EXOC1: variants seen among roughly 807,000 people sequenced by gnomAD.
EXOC1 encodes the protein SEC3-like 1.
EXOC1 carries 67 observed loss-of-function variants against 107.7 expected under a neutral mutation model. The ratio of observed to expected loss-of-function variants is 0.62; its 90% CI spans 0.51 to 0.76. The LOEUF (loss-of-function observed/expected upper bound fraction) is 0.76. EXOC1 is among the 30% of genes least tolerant of loss of function. The probability of loss-of-function intolerance (pLI) is 0.00; values close to 1 mark genes in which losing one functional copy is unlikely to be tolerated. For synonymous variants in EXOC1, 348 were observed against 353.5 expected, an observed-to-expected ratio of 0.98 and a Z score of 0.17; for missense variants, 833 against 1,055.7, an observed-to-expected ratio of 0.79 and a Z score of 2.92.
chr4:55,904,266 G>T (rs1441226409), intron 18 of EXOC1, 77 bp from the exon 19 acceptor site: 8 of 1,364,576 alleles, frequency 5.9e-6, no homozygotes, highest in Admixed American at 4.9e-5. Flanking sequence ...CTTAGAATAT[G>T]CCTTGGCATT....
intron 1 of EXOC1, among the ~76,000 whole-genome samples, chr4:55,856,752 G>A (rs2110302168): frequency 6.6e-6 from 1 of 152,278 alleles, no homozygotes; most frequent in South Asian, 2.1e-4. Context: ...TTAAGTTGAT[G>A]TTTGAAAAGA....
At chr4:55,882,017 A>G (rs1287485618) in intron 9 of EXOC1, among the ~76,000 whole-genome samples, 2 of 152,234 alleles carry the variant, frequency 1.3e-5, no homozygotes, top group Admixed American at 6.5e-5. Flanking sequence ...TGGAAGGAAA[A>G]AAAAATCAGA....
intron 8 of EXOC1, chr4:55,876,278 T>C (rs1341579084): frequency 1.9e-5 from 19 of 985,318 alleles, no homozygotes; most frequent in Non-Finnish European, 2.0e-5. Context: ...TTGTTTTATA[T>C]TCAGGTAGCC....
chr4:55,875,343 G>C, intron 8 of EXOC1: 1 of 652,048 alleles, frequency 1.5e-6, no homozygotes, highest in Non-Finnish European at 1.9e-6. Context: ...TGTGAGGTTT[G>C]TTGGAACTTT....
At chr4:55,901,622 T>C (rs202025680) in intron 17 of EXOC1, among the ~76,000 whole-genome samples, 2 of 152,078 alleles carry the variant, frequency 1.3e-5, no homozygotes, top group South Asian at 2.1e-4. Context: ...ACTAAACATA[T>C]AAAAGCAGGT....
At chr4:55,899,031 T>G (rs921070317) in intron 16 of EXOC1, among the ~76,000 whole-genome samples, 1 of 152,194 alleles carries the variant, frequency 6.6e-6, no homozygotes, top group Non-Finnish European at 1.5e-5. Flanking sequence ...GCATTACAGC[T>G]GTACCAATGC....
At chr4:55,882,857 TAAA>T (rs1355596245) in intron 9 of EXOC1, 1 of 152,152 alleles carries the variant, frequency 6.6e-6, no homozygotes, top group Non-Finnish European at 1.5e-5. Context: ...ATGATAAACT[TAAA>T]AGAATAGGTA....
At chr4:55,871,654 G>T (rs942997034) in intron 7 of EXOC1, among the ~76,000 whole-genome samples, 195 bp from the exon 8 acceptor site, 1 of 152,170 alleles carries the variant, frequency 6.6e-6, no homozygotes, top group Non-Finnish European at 1.5e-5. Context: ...GTTCCCAGGC[G>T]ATGGTGAGGC....
At chr4:55,891,176 A>T (rs1724501087) in intron 12 of EXOC1, 139 bp from the exon 13 acceptor site, 1 of 608,840 alleles carries the variant, frequency 1.6e-6, no homozygotes, top group Non-Finnish European at 2.9e-6. Flanking sequence ...TGTTTTTGGG[A>T]TTCCATTGAG....
intron 3 of EXOC1, 103 bp from the exon 4 acceptor site, chr4:55,864,124 C>A (rs1721737250): frequency 2.7e-6 from 2 of 727,864 alleles, no homozygotes; most frequent in Admixed American, 3.4e-5. Flanking sequence ...ATTTTTAATA[C>A]TCTTCATTTT....
In EXOC1 at chr4:55,880,636, G is replaced by A. The variant is rs553678083; in HGVS notation, c.1224+2570G>A. On this transcript the variant is annotated intron_variant, in intron 9 of 18. Transcript: ENST00000381295. ...GAATATTCAAATAAGTAATCAATAA[G>A]CTTTTTGCCTAATTGTGTTCCCAGT... Among the ~76,000 whole-genome samples the A allele has an allele frequency of 2.0e-5, 3 of 152,090 alleles. No individual in the cohort carries two copies. The South Asian group carries it at 6.2e-4, about 32-fold the overall frequency.
At chr4:55,889,061 A>C (rs1724217951) in intron 11 of EXOC1, 129 bp downstream of exon 11, 1 of 806,584 alleles carries the variant, frequency 1.2e-6, no homozygotes, top group Admixed American at 2.1e-5. Flanking sequence ...TTGGTGAAAG[A>C]AAGCCAACAT....
intron 3 of EXOC1, among the ~76,000 whole-genome samples, chr4:55,862,935 C>CT (rs1721608060): frequency 6.6e-6 from 1 of 152,182 alleles, no homozygotes; most frequent in Admixed American, 6.5e-5. Flanking sequence ...GGGTCTCACT[C>CT]TGTCACCCAG....
chr4:55,891,288 T>C (rs1378011208), intron 12 of EXOC1, 27 bp from the exon 13 acceptor site: 1 of 1,448,598 alleles, frequency 6.9e-7, no homozygotes, highest in African/African-American at 1.4e-5. Flanking sequence ...AGTTCTTTCG[T>C]TATAGGATCA....
chr4:55,903,725 A>G (rs1726279351), intron 18 of EXOC1, among the ~76,000 whole-genome samples: 1 of 152,156 alleles, frequency 6.6e-6, no homozygotes, highest in Non-Finnish European at 1.5e-5. Context: ...AATGTAATCT[A>G]TTTAAGCCAT....
At chr4:55,901,042 T>C (rs1725838262) in intron 17 of EXOC1, among the ~76,000 whole-genome samples, 1 of 152,254 alleles carries the variant, frequency 6.6e-6, no homozygotes. Context: ...GCTTACATGA[T>C]ACTTAACTGC....
At chr4:55,903,728 T>G (rs1726279876) in intron 18 of EXOC1, among the ~76,000 whole-genome samples, 1 of 152,192 alleles carries the variant, frequency 6.6e-6, no homozygotes, top group Non-Finnish European at 1.5e-5. Context: ...GTAATCTATT[T>G]AAGCCATTAT....
chr4:55,871,025 G>T, intron 6 of EXOC1, 76 bp from the exon 7 acceptor site: 1 of 1,572,360 alleles, frequency 6.4e-7, no homozygotes, highest in Non-Finnish European at 8.7e-7. Flanking sequence ...AAGACCTAAT[G>T]ATAGGACTGA....
At chr4:55,892,024 A>G (rs1724617200) in intron 13 of EXOC1, among the ~76,000 whole-genome samples, 1 of 152,224 alleles carries the variant, frequency 6.6e-6, no homozygotes, top group Non-Finnish European at 1.5e-5. Context: ...GAAGAACTTA[A>G]AAACAGTGCA....
Sources: allele counts gnomAD v4.1 joint callset (sites outside exome capture counted in the v4.1 genomes callset), GRCh38; gene constraint gnomAD v4.1.1; transcripts MANE v1.5; gene names NCBI Gene and HGNC (gene_info 2026-07-23, HGNC 2026-07-21).